ACACA: variants seen among roughly 807,000 people sequenced by gnomAD.
The protein encoded by ACACA is acetyl-CoA carboxylase 1.
In ACACA, 103 loss-of-function variants were observed where a neutral mutation model predicts 296.1. The ratio of observed to expected loss-of-function variants is 0.35; its 90% confidence interval spans 0.30 to 0.41. The LOEUF (loss-of-function observed/expected upper bound fraction) is 0.41. Ranked by LOEUF, ACACA falls within the 10% of genes least tolerant of loss-of-function variation. The pLI is 1.00. For synonymous variants in ACACA, 953 were observed against 1,038.6 expected (o/e 0.92, Z 1.58); for missense variants, 1,554 against 2,989.7 (o/e 0.52, Z 11.20).
At chr17:37,199,525 A>G (rs1333651100) in intron 35 of ACACA, among the ~76,000 whole-genome samples, 3 of 152,196 alleles carry the variant, frequency 2.0e-5, no homozygotes, top group Non-Finnish European at 4.4e-5. Flanking sequence ...TAAATGGGAG[A>G]ATAAGCAACA....
chr17:37,310,793 C>CAAAA (rs74268026), intron 3 of ACACA, among the ~76,000 whole-genome samples: 203 of 46,768 alleles, frequency 4.3e-3, no homozygotes, highest in Non-Finnish European at 6.0e-3. Context: ...GACACCATCT[C>CAAAA]AAAAAAAAAA....
chr17:37,221,659 T>C, intron 29 of ACACA, 65 bp downstream of exon 29: 4 of 1,264,154 alleles, frequency 3.2e-6, no homozygotes, highest in Non-Finnish European at 4.6e-6. Context: ...TCATACACAT[T>C]ACTCCCCTTG....
At chr17:37,328,864 C>T in intron 3 of ACACA, 1 of 398,538 alleles carries the variant, frequency 2.5e-6, no homozygotes, top group Non-Finnish European at 4.4e-6. Flanking sequence ...CAGTTCCACA[C>T]CAAGCCAGTA....
intron 3 of ACACA, among the ~76,000 whole-genome samples, chr17:37,309,482 G>C (rs914710108): frequency 1.3e-5 from 2 of 152,062 alleles, no homozygotes; most frequent in African/African-American, 4.8e-5. Context: ...TGTGATAAAT[G>C]CTATTGCAAT....
At chr17:37,268,689 G>A (rs1256798930) in intron 10 of ACACA, among the ~76,000 whole-genome samples, 2 of 147,204 alleles carry the variant, frequency 1.4e-5, no homozygotes, top group African/African-American at 5.1e-5. Flanking sequence ...CTCTAATGCC[G>A]TAAAATGTAA....
At chr17:37,308,031 T>C (rs1170679382) in intron 3 of ACACA, among the ~76,000 whole-genome samples, 1 of 152,032 alleles carries the variant, frequency 6.6e-6, no homozygotes, top group Non-Finnish European at 1.5e-5. Flanking sequence ...CTGCAACATA[T>C]ACATTCATTG....
At chr17:37,099,337 G>A (rs747431054) in intron 52 of ACACA, among the ~76,000 whole-genome samples, 1 of 152,182 alleles carries the variant, frequency 6.6e-6, no homozygotes, top group South Asian at 2.1e-4. Context: ...AGGCCCCGGC[G>A]CCTCAGTAGT....
At position 37,193,571 on chromosome 17, in the gene ACACA, T is replaced by C. The variant is rs1208211080; in HGVS notation, c.4159-156A>G. 5.5e-6 allele frequency: 3 copies of C among 546,124 alleles called. No individual in the cohort carries two copies. In the East Asian group the frequency reaches 8.7e-5, roughly 16 times the overall value. The allele number at this position is 546,124 out of a possible 1,614,324, so 33.8% of individuals were successfully genotyped here. ...TCCAGGAAATATATATGAATGATCC[T>C]CCGCATAACCATCACTTTGACCCCA... On this transcript the variant is annotated intron_variant, in intron 35 of 55. Transcript: ENST00000616317.
Position 37,265,109 on chromosome 17 carries a change from G to A in ACACA, c.1120-1215C>T, listed in dbSNP as rs534574116. Among the ~76,000 whole-genome samples, 19 of 152,256 alleles carry A rather than the reference G, an allele frequency of 1.2e-4. 1 individual carries two copies. The South Asian group carries it at 1.7e-3, about 13-fold the overall frequency. ...TTCCAAGAGGGGAAGAAGCTGTAAG[G>A]CCTCTTGAGGTCTAGGCTCTCGAAT... On this transcript the variant is annotated intron_variant, in intron 10 of 55. Coordinates refer to ENST00000616317, the MANE Select transcript of ACACA (RefSeq NM_198834.3).
At chr17:37,216,208 G>GTGTA (rs1392164501) in intron 29 of ACACA, among the ~76,000 whole-genome samples, 48 of 144,138 alleles carry the variant, frequency 3.3e-4, no homozygotes, top group Admixed American at 9.0e-4. Flanking sequence ...GTGTGTGTGT[G>GTGTA]TATATATATA....
At chr17:37,327,936 A>G (rs750894911) in intron 3 of ACACA, among the ~76,000 whole-genome samples, 10 of 152,312 alleles carry the variant, frequency 6.6e-5, no homozygotes, top group Non-Finnish European at 1.0e-4. Flanking sequence ...ACCTCAAGAG[A>G]GAAGAATGCC....
rs904885959 is a variant in ACACA, at chr17:37,298,052, G to C, written c.339-13082C>G. Among the ~76,000 whole-genome samples the C allele has an allele frequency of 4.6e-5, 7 of 152,074 alleles. No homozygotes were observed. The East Asian group carries it at 1.3e-3, about 29-fold the overall frequency. On this transcript the variant is annotated intron_variant, in intron 3 of 55. Coordinates refer to ENST00000616317, the MANE Select transcript of ACACA (RefSeq NM_198834.3). ...ATCTCCCTGCAACCTCAAACTGCTG[G>C]GCTCAAGCAATCCTCTGGCCTCAGC...
intron 1 of ACACA, among the ~76,000 whole-genome samples, chr17:37,347,745 T>TAA (rs1200225097): frequency 1.3e-3 from 129 of 101,782 alleles, no homozygotes; most frequent in African/African-American, 3.9e-3. Context: ...CCTACTTACG[T>TAA]AAAAAAAAAA....
In ACACA at chr17:37,129,467, G is replaced by C. The variant is rs768985773; in HGVS notation, c.5842C>G (p.Pro1948Ala). Residue 1948 changes from proline (P) to alanine (A), a missense_variant, in exon 47 of 56, where the codon CCT becomes GCT. Pro to Ala is a conservative substitution (Grantham distance 27). Coordinates refer to ENST00000616317, the MANE Select transcript of ACACA (RefSeq NM_198834.3). Reference protein sequence around the residue: ...YMPKSVHSSVPLLNSKDPIDR... With the variant: ...YMPKSVHSSVALLNSKDPIDR... ...ATAGGATCCTTTGAGTTCAGAAGAG[G>C]AACTGAACTGTGCACGCTCTAAAAG... 1 of 1,614,028 alleles carries C rather than the reference G, an allele frequency of 6.2e-7. No individual in the cohort carries two copies. The highest frequency in any genetic ancestry group is 1.1e-5 in the South Asian group (1 of 91,070).
At chr17:37,115,232 G>A (rs1429291860) in intron 50 of ACACA, among the ~76,000 whole-genome samples, 1 of 152,194 alleles carries the variant, frequency 6.6e-6, no homozygotes, top group Non-Finnish European at 1.5e-5. Context: ...GACTTTAAGT[G>A]CTTTACGCTA....
At chr17:37,329,619 C>A (rs1327759698) in intron 3 of ACACA, among the ~76,000 whole-genome samples, 9 of 141,038 alleles carry the variant, frequency 6.4e-5, no homozygotes, top group African/African-American at 2.5e-4. Context: ...CCCATTTGGG[C>A]GACAGAGTGA....
intron 47 of ACACA, among the ~76,000 whole-genome samples, chr17:37,127,241 C>A (rs1458016207): frequency 6.6e-6 from 1 of 152,202 alleles, no homozygotes; most frequent in Non-Finnish European, 1.5e-5. Context: ...TTTCTAGGTT[C>A]ATCAGAACAC....
intron 47 of ACACA, among the ~76,000 whole-genome samples, 179 bp downstream of exon 47, chr17:37,129,186 T>C (rs2074969704): frequency 6.6e-6 from 1 of 152,214 alleles, no homozygotes; most frequent in African/African-American, 2.4e-5. Context: ...TTTTTCATTT[T>C]TTCATGAAGG....
rs1252468563 is a variant in ACACA, at chr17:37,240,468, A to C, written c.3121+8T>G. On this transcript the variant is annotated splice_region_variant and intron_variant, in intron 24 of 55. Coordinates refer to ENST00000616317, the MANE Select transcript of ACACA (RefSeq NM_198834.3). ...TCTTAGCTAGAGAGTCCTCAGGAAG[A>C]GGCTTACCATTCTGGAATTGTGTCT... 6.2e-7 allele frequency: 1 copy of C among 1,612,902 alleles called. No individual in the cohort carries two copies. The highest frequency in any genetic ancestry group is 1.7e-5 in the Admixed American group (1 of 59,956).
Sources: allele counts gnomAD v4.1 joint callset (sites outside exome capture counted in the v4.1 genomes callset), GRCh38; gene constraint gnomAD v4.1.1; transcripts MANE v1.5; gene names NCBI Gene and HGNC (gene_info 2026-07-23, HGNC 2026-07-21).